The following STXBP6 variants were observed in gnomAD, a reference collection of about 807,000 sequenced individuals.
STXBP6 encodes syntaxin-binding protein 6.
STXBP6 carries 21 observed loss-of-function variants against 26.9 expected under a neutral mutation model. The ratio of observed to expected loss-of-function variants is 0.78; its 90% CI spans 0.55 to 1.12. The LOEUF (loss-of-function observed/expected upper bound fraction) is 1.12. Among genes scored for constraint, STXBP6 ranks in the 50% most tolerant of loss-of-function variants. The pLI is 0.00. For missense variants in STXBP6, 232 were observed against 257.9 expected, an observed-to-expected ratio of 0.90 and a Z score of 0.69; for synonymous variants, 97 against 92.6, an observed-to-expected ratio of 1.05 and a Z score of -0.27.
At chr14:24,870,303 T>C (rs2139325366) in intron 2 of STXBP6, among the ~76,000 whole-genome samples, 1 of 152,304 alleles carries the variant, frequency 6.6e-6, no homozygotes. Flanking sequence ...CTGCAAATTA[T>C]AACTTCTATT....
At chr14:24,890,609 A>G (rs1352024058) in intron 2 of STXBP6, among the ~76,000 whole-genome samples, 1 of 152,350 alleles carries the variant, frequency 6.6e-6, no homozygotes, top group Admixed American at 6.5e-5. Flanking sequence ...TTAAAAGAAG[A>G]TCTTACAAGC....
chr14:24,880,599 T>C (rs2070322644), intron 2 of STXBP6, among the ~76,000 whole-genome samples: 1 of 152,152 alleles, frequency 6.6e-6, no homozygotes, highest in East Asian at 1.9e-4. Context: ...TGCTGAGTAT[T>C]TGGGCTCTGT....
intron 4 of STXBP6, among the ~76,000 whole-genome samples, chr14:24,853,324 T>C (rs1349635348): frequency 6.6e-6 from 1 of 152,122 alleles, no homozygotes; most frequent in Admixed American, 6.6e-5. Flanking sequence ...ATCGGCATAC[T>C]AATTTATCAG....
chr14:25,044,799 A>G (rs1041105509), intron 1 of STXBP6, among the ~76,000 whole-genome samples: 1 of 152,222 alleles, frequency 6.6e-6, no homozygotes, highest in Non-Finnish European at 1.5e-5. Flanking sequence ...TGCTGGGCAC[A>G]ATCCATTTTG....
intron 1 of STXBP6, among the ~76,000 whole-genome samples, chr14:25,005,554 G>T (rs1436179608): frequency 6.6e-6 from 1 of 152,162 alleles, no homozygotes; most frequent in South Asian, 2.1e-4. Flanking sequence ...TGTACAAAAA[G>T]AACATCTCTT....
At chr14:24,985,304 C>T (rs970295408) in intron 1 of STXBP6, among the ~76,000 whole-genome samples, 3 of 152,214 alleles carry the variant, frequency 2.0e-5, no homozygotes, top group Non-Finnish European at 4.4e-5. Flanking sequence ...ATCACAGCTG[C>T]TCACCACCAT....
At chr14:25,024,782 G>A (rs971122213) in intron 1 of STXBP6, among the ~76,000 whole-genome samples, 1 of 152,142 alleles carries the variant, frequency 6.6e-6, no homozygotes, top group Non-Finnish European at 1.5e-5. Context: ...TGCTAATTCA[G>A]TAGAGGGCAG....
chr14:25,002,748 A>T (rs1040302792), intron 1 of STXBP6, among the ~76,000 whole-genome samples: 1 of 151,188 alleles, frequency 6.6e-6, no homozygotes, highest in Non-Finnish European at 1.5e-5. Flanking sequence ...GTCAGCACTG[A>T]AATGTTTTTA....
chr14:25,002,823 T>A (rs750933837), intron 1 of STXBP6, among the ~76,000 whole-genome samples: 3 of 152,036 alleles, frequency 2.0e-5, no homozygotes, highest in Non-Finnish European at 4.4e-5. Flanking sequence ...GCTGGGCAGG[T>A]TCAAGTGATT....
intron 1 of STXBP6, among the ~76,000 whole-genome samples, chr14:25,022,881 A>C (rs1320265809): frequency 6.6e-6 from 1 of 152,096 alleles, no homozygotes; most frequent in Non-Finnish European, 1.5e-5. Context: ...ATTTGTCCAA[A>C]ATGAAATTCA....
chr14:24,948,308 G>T (rs908167791), intron 2 of STXBP6, among the ~76,000 whole-genome samples: 7 of 151,710 alleles, frequency 4.6e-5, no homozygotes, highest in African/African-American at 1.5e-4. Context: ...AACTATAATG[G>T]TTATGAAAAA....
At chr14:24,857,613 T>C (rs1170255444) in intron 2 of STXBP6, among the ~76,000 whole-genome samples, 1 of 151,940 alleles carries the variant, frequency 6.6e-6, no homozygotes, top group Non-Finnish European at 1.5e-5. Flanking sequence ...TATTTCTAGT[T>C]TTATAGTCCA....
At chr14:24,833,888 A>G (rs1268928380) in intron 4 of STXBP6, among the ~76,000 whole-genome samples, 4 of 152,218 alleles carry the variant, frequency 2.6e-5, no homozygotes, top group Admixed American at 6.5e-5. Context: ...AAAAACCAAA[A>G]CAGATTTTGG....
At chr14:24,886,344 A>G (rs970856131) in intron 2 of STXBP6, among the ~76,000 whole-genome samples, 1 of 152,212 alleles carries the variant, frequency 6.6e-6, no homozygotes. Context: ...TTTGGTTGGG[A>G]TACTTTATAC....
At chr14:24,843,599 A>G (rs1287916103) in intron 4 of STXBP6, among the ~76,000 whole-genome samples, 1 of 152,212 alleles carries the variant, frequency 6.6e-6, no homozygotes, top group Non-Finnish European at 1.5e-5. Flanking sequence ...AAGCATTAGT[A>G]TTCTGTTTAA....
At chr14:24,954,469 C>G (rs149455686) in intron 2 of STXBP6, among the ~76,000 whole-genome samples, 354 of 152,310 alleles carry the variant, frequency 2.3e-3, no homozygotes, top group African/African-American at 7.5e-3. Context: ...GTGGTGTAAA[C>G]ACTCTTCCAC....
intron 1 of STXBP6, among the ~76,000 whole-genome samples, chr14:24,975,988 C>T (rs930200715): frequency 2.6e-5 from 4 of 152,088 alleles, no homozygotes; most frequent in Admixed American, 1.3e-4. Context: ...TCAGAGATCC[C>T]GCATATGGAT....
chr14:24,963,369 C>T (rs1001618293), intron 2 of STXBP6, among the ~76,000 whole-genome samples: 2 of 152,128 alleles, frequency 1.3e-5, no homozygotes, highest in African/African-American at 4.8e-5. Context: ...ATCTTGAAGC[C>T]ATTTGCCGAG....
chr14:25,000,467 C>T (rs937948373), intron 1 of STXBP6, among the ~76,000 whole-genome samples: 8 of 151,216 alleles, frequency 5.3e-5, no homozygotes, highest in African/African-American at 1.9e-4. Flanking sequence ...AAATGAAGGC[C>T]TCAGAAGCAA....
Sources: gnomAD v4.1 joint callset for allele counts (sites outside exome capture counted in the v4.1 genomes callset) on GRCh38, gnomAD v4.1.1 for gene constraint, MANE v1.5 for transcripts, NCBI Gene and HGNC (gene_info 2026-07-23, HGNC 2026-07-21) for gene names.